The following CSMD1 variants were observed in gnomAD, a reference collection of about 807,000 sequenced individuals.
CSMD1 encodes CUB and Sushi multiple domains 1.
A neutral mutation model predicts 417.5 loss-of-function variants in CSMD1; 213 were observed. That is an observed-to-expected ratio of 0.51 (90% CI 0.46 to 0.57). The LOEUF (loss-of-function observed/expected upper bound fraction) is 0.57. Ranked by LOEUF, CSMD1 falls within the 20% of genes least tolerant of loss-of-function variation. CSMD1 has a pLI of 0.00. For missense variants in CSMD1, 6,923 were observed against 4,529.7 expected (o/e 1.53, Z -15.17); for synonymous variants, 2,862 against 1,736.8 (o/e 1.65, Z -16.11).
chr8:4,254,083 A>T (rs1226161821), intron 3 of CSMD1, among the ~76,000 whole-genome samples: 2 of 151,324 alleles, frequency 1.3e-5, no homozygotes, highest in Non-Finnish European at 2.9e-5. Flanking sequence ...CGCCTGGCTA[A>T]TTTTTTTGTG....
intron 30 of CSMD1, among the ~76,000 whole-genome samples, chr8:3,209,829 G>A (rs1441567238): frequency 6.6e-6 from 1 of 152,110 alleles, no homozygotes; most frequent in East Asian, 1.9e-4. Context: ...GTAACAAGAA[G>A]CTTGCTTATC....
At chr8:4,224,188 G>A (rs1801208935) in intron 3 of CSMD1, among the ~76,000 whole-genome samples, 1 of 151,544 alleles carries the variant, frequency 6.6e-6, no homozygotes, top group Admixed American at 6.6e-5. Context: ...ACAAGTGAAA[G>A]TTATGCAAAG....
intron 10 of CSMD1, among the ~76,000 whole-genome samples, chr8:3,543,675 G>T (rs548018088): frequency 2.0e-5 from 3 of 152,116 alleles, no homozygotes; most frequent in African/African-American, 7.2e-5. Flanking sequence ...AAGAAGAAAA[G>T]AGTGTGAGAG....
chr8:4,608,992 A>T (rs1244005737), intron 2 of CSMD1, among the ~76,000 whole-genome samples: 2 of 151,088 alleles, frequency 1.3e-5, no homozygotes, highest in Non-Finnish European at 2.9e-5. Context: ...GCTCAAAGGA[A>T]TGTGGCATAC....
intron 5 of CSMD1, among the ~76,000 whole-genome samples, chr8:3,756,235 C>T (rs895365007): frequency 6.6e-6 from 1 of 151,758 alleles, no homozygotes; most frequent in Non-Finnish European, 1.5e-5. Flanking sequence ...CGCCTGTAGT[C>T]CCAGCTACTC....
chr8:3,877,284 G>T (rs1805888610), intron 5 of CSMD1, among the ~76,000 whole-genome samples: 3 of 152,156 alleles, frequency 2.0e-5, no homozygotes, highest in Admixed American at 2.0e-4. Flanking sequence ...GATGCGTGGT[G>T]AAAGGAAACT....
chr8:3,799,231 G>GT (rs973760491), intron 5 of CSMD1, among the ~76,000 whole-genome samples: 12 of 151,398 alleles, frequency 7.9e-5, no homozygotes, highest in African/African-American at 2.2e-4. Flanking sequence ...TGATTCTACA[G>GT]TTTTTTTTCT....
chr8:4,008,081 TC>T (rs1208960463), intron 4 of CSMD1, among the ~76,000 whole-genome samples: 2 of 152,200 alleles, frequency 1.3e-5, no homozygotes, highest in African/African-American at 4.8e-5. Context: ...GGAGGTTTTT[TC>T]TTTGTTTTTA....
intron 26 of CSMD1, among the ~76,000 whole-genome samples, chr8:3,241,465 T>A (rs571566548): frequency 2.0e-5 from 3 of 152,276 alleles, no homozygotes; most frequent in Non-Finnish European, 4.4e-5. Context: ...CGAGGTGATC[T>A]GGCAGTGTCA....
intron 5 of CSMD1, among the ~76,000 whole-genome samples, chr8:3,967,772 A>G (rs1812782668): frequency 6.6e-6 from 1 of 152,164 alleles, no homozygotes; most frequent in Non-Finnish European, 1.5e-5. Flanking sequence ...ATTACGTGTG[A>G]ACTAACTACC....
chr8:4,119,498 T>A (rs1016335050), intron 3 of CSMD1, among the ~76,000 whole-genome samples: 1 of 152,212 alleles, frequency 6.6e-6, no homozygotes, highest in African/African-American at 2.4e-5. Flanking sequence ...TAATCCTCAA[T>A]GTCCTGGTAT....
chr8:3,330,526 C>G (rs1237220508), intron 23 of CSMD1, among the ~76,000 whole-genome samples: 1 of 152,156 alleles, frequency 6.6e-6, no homozygotes, highest in Non-Finnish European at 1.5e-5. Flanking sequence ...GATCTCACTT[C>G]TAAGCAGGAG....
At chr8:3,558,773 C>T (rs374260359) in intron 10 of CSMD1, among the ~76,000 whole-genome samples, 27 of 151,582 alleles carry the variant, frequency 1.8e-4, no homozygotes, top group South Asian at 8.3e-4. Flanking sequence ...AATAGTACCC[C>T]GCGTCCACTC....
At chr8:4,883,982 C>G (rs540965453) in intron 1 of CSMD1, among the ~76,000 whole-genome samples, 5 of 152,022 alleles carry the variant, frequency 3.3e-5, no homozygotes, top group Non-Finnish European at 7.4e-5. Flanking sequence ...TCTTCCAATC[C>G]TCTACAATAC....
intron 7 of CSMD1, among the ~76,000 whole-genome samples, chr8:3,688,465 G>C (rs529319559): frequency 6.6e-6 from 1 of 152,136 alleles, no homozygotes; most frequent in Non-Finnish European, 1.5e-5. Context: ...CATCCTACGT[G>C]TCTCTGTTCC....
chr8:3,875,908 G>C (rs954076274), intron 5 of CSMD1, among the ~76,000 whole-genome samples: 22 of 152,154 alleles, frequency 1.4e-4, no homozygotes, highest in Admixed American at 1.3e-3. Context: ...AAATTTCCAT[G>C]TTTCTCTTTA....
chr8:4,972,230 A>T (rs1810281010), intron 1 of CSMD1, among the ~76,000 whole-genome samples: 1 of 152,054 alleles, frequency 6.6e-6, no homozygotes, highest in Non-Finnish European at 1.5e-5. Flanking sequence ...TGTGTCCTGT[A>T]AGAGTCACAA....
At chr8:3,197,552 G>T (rs1005004145) in intron 33 of CSMD1, among the ~76,000 whole-genome samples, 3 of 145,268 alleles carry the variant, frequency 2.1e-5, no homozygotes, top group African/African-American at 7.7e-5. Flanking sequence ...TGCAAGCTCC[G>T]CCTCCCGGGT....
intron 2 of CSMD1, among the ~76,000 whole-genome samples, chr8:4,562,486 A>C (rs868100759): frequency 8.5e-5 from 13 of 152,252 alleles, no homozygotes; most frequent in African/African-American, 3.1e-4. Context: ...TAGAAATCTT[A>C]TCAGTCGTAA....
Sources: gnomAD v4.1 joint callset for allele counts (sites outside exome capture counted in the v4.1 genomes callset) on GRCh38, gnomAD v4.1.1 for gene constraint, MANE v1.5 for transcripts, NCBI Gene and HGNC (gene_info 2026-07-23, HGNC 2026-07-21) for gene names.